Variants in PLA2G4E observed in about 807,000 individuals in gnomAD.
PLA2G4E encodes phospholipase A2 group IVE, also known as cytosolic phospholipase A2 epsilon.
In PLA2G4E, 84 loss-of-function variants were observed where a neutral mutation model predicts 109.1. The observed-to-expected ratio is 0.77, with a 90% CI of 0.65 to 0.92. The LOEUF (loss-of-function observed/expected upper bound fraction) is 0.92, where lower values mean the gene tolerates loss of function less well. Ranked by LOEUF, PLA2G4E falls within the 40% of genes least tolerant of loss-of-function variation. The pLI is 0.00. For missense variants in PLA2G4E, 1,057 were observed against 1,076.6 expected, an observed-to-expected ratio of 0.98 and a Z score of 0.25; for synonymous variants, 469 against 436.1, an observed-to-expected ratio of 1.08 and a Z score of -0.94.
intron 1 of PLA2G4E, among the ~76,000 whole-genome samples, chr15:42,039,516 T>C (rs1360389834): frequency 6.7e-6 from 1 of 150,294 alleles, no homozygotes; most frequent in East Asian, 1.9e-4. Flanking sequence ...TATACATATA[T>C]ACATACATAT....
chr15:42,032,493 G>C (rs1889130409), intron 1 of PLA2G4E, among the ~76,000 whole-genome samples: 1 of 152,256 alleles, frequency 6.6e-6, no homozygotes, highest in African/African-American at 2.4e-5. Context: ...GCACAGCTGA[G>C]GAAGGCCTTG....
intron 14 of PLA2G4E, 37 bp downstream of exon 14, chr15:41,990,084 T>A (rs1439332500): frequency 1.9e-6 from 3 of 1,567,834 alleles, no homozygotes; most frequent in African/African-American, 1.4e-5. Flanking sequence ...AGTCCCCCCC[T>A]CCACCCCACT....
intron 2 of PLA2G4E, 31 bp downstream of exon 2, chr15:42,013,654 A>AG: frequency 6.5e-7 from 1 of 1,533,088 alleles, no homozygotes; most frequent in Non-Finnish European, 8.8e-7. Context: ...TCCGGTAAGC[A>AG]GAGAAGGAGA....
chr15:42,047,178 A>G (rs1889430749), intron 1 of PLA2G4E, among the ~76,000 whole-genome samples: 1 of 152,220 alleles, frequency 6.6e-6, no homozygotes, highest in Non-Finnish European at 1.5e-5. Context: ...GGGTGTCACT[A>G]TGTTGACCAG....
exon 20 of PLA2G4E, chr15:41,983,508 C>T: frequency 2.0e-6 from 1 of 504,184 alleles, no homozygotes; most frequent in Admixed American, 3.4e-5. Flanking sequence ...ATGAGACCAC[C>T]TTCTCTATAG....
intron 15 of PLA2G4E, 73 bp from the exon 16 acceptor site, chr15:41,988,229 T>TCCCCCCAC (rs2068181531): frequency 3.2e-6 from 3 of 935,940 alleles, no homozygotes; most frequent in African/African-American, 5.1e-5. Context: ...GATTCCCCAC[T>TCCCCCCAC]CCCCCCACCC....
chr15:41,993,834 T>C (rs1447227782), intron 12 of PLA2G4E, among the ~76,000 whole-genome samples: 1 of 152,164 alleles, frequency 6.6e-6, no homozygotes, highest in Non-Finnish European at 1.5e-5. Flanking sequence ...CTCCATAAGC[T>C]TCACCCATTC....
chr15:42,033,890 A>C (rs1390062217), intron 1 of PLA2G4E, among the ~76,000 whole-genome samples: 2 of 152,170 alleles, frequency 1.3e-5, no homozygotes, highest in Non-Finnish European at 2.9e-5. Flanking sequence ...GCCAAGGTGC[A>C]AATGACACTT....
At chr15:42,037,749 C>G (rs1256539324) in intron 1 of PLA2G4E, among the ~76,000 whole-genome samples, 2 of 152,242 alleles carry the variant, frequency 1.3e-5, no homozygotes, top group East Asian at 3.8e-4. Context: ...TCTTCGGGGC[C>G]CTGTGGTTCC....
intron 12 of PLA2G4E, among the ~76,000 whole-genome samples, chr15:41,993,399 T>G (rs1369157137): frequency 6.6e-6 from 1 of 152,160 alleles, no homozygotes; most frequent in Non-Finnish European, 1.5e-5. Context: ...TGATGTGGGG[T>G]AGCTAGAACA....
exon 17 of PLA2G4E, chr15:41,987,272 G>A (rs1482001856): frequency 6.2e-7 from 1 of 1,613,994 alleles, no homozygotes; most frequent in Non-Finnish European, 8.5e-7. Flanking sequence ...GATGGGTAAG[G>A]ATTTCTCGGA....
chr15:42,032,671 A>G (rs1416576908), intron 1 of PLA2G4E, among the ~76,000 whole-genome samples: 1 of 152,188 alleles, frequency 6.6e-6, no homozygotes, highest in East Asian at 1.9e-4. Flanking sequence ...GGCCTTTCTC[A>G]CTGCTGATTT....
intron 1 of PLA2G4E, among the ~76,000 whole-genome samples, chr15:42,045,115 G>A (rs1336764648): frequency 6.6e-6 from 1 of 152,202 alleles, no homozygotes; most frequent in East Asian, 1.9e-4. Context: ...AGGGGAGGCT[G>A]TCAAGATCCC....
intron 1 of PLA2G4E, among the ~76,000 whole-genome samples, chr15:42,048,478 C>A (rs927719310): frequency 1.3e-5 from 2 of 152,110 alleles, no homozygotes; most frequent in African/African-American, 2.4e-5. Flanking sequence ...AATACAATGT[C>A]TTTTTGTGGT....
intron 17 of PLA2G4E, chr15:41,986,881 C>T (rs1348144001): frequency 4.6e-6 from 2 of 433,234 alleles, no homozygotes; most frequent in East Asian, 9.2e-5. Flanking sequence ...CCCTGTTTCC[C>T]CATCTGTAAC....
At chr15:42,039,925 T>G (rs1480696636) in intron 1 of PLA2G4E, among the ~76,000 whole-genome samples, 1 of 152,190 alleles carries the variant, frequency 6.6e-6, no homozygotes, top group Non-Finnish European at 1.5e-5. Flanking sequence ...TTGGGGGAAC[T>G]TAACCAAAAG....
At chr15:42,025,202 G>GA (rs112998968) in intron 1 of PLA2G4E, among the ~76,000 whole-genome samples, 13,799 of 83,266 alleles carry the variant, frequency 0.17, 1,279 homozygotes, top group African/African-American at 0.33. Context: ...TCTCAAAAAA[G>GA]AAAAAAAAAA....
At chr15:41,982,808 TG>T (rs905957210) in exon 20 of PLA2G4E, 1 of 152,276 alleles carries the variant, frequency 6.6e-6, no homozygotes, top group African/African-American at 2.4e-5. Flanking sequence ...CATGATGACA[TG>T]GATCACCAGC....
intron 1 of PLA2G4E, 24 bp from the exon 2 acceptor site, chr15:42,013,781 C>A: frequency 1.3e-6 from 2 of 1,539,308 alleles, no homozygotes; most frequent in African/African-American, 1.4e-5. Context: ...GGACAGAGGA[C>A]TCAGTCTTCA....
Sources: gnomAD v4.1 joint callset for allele counts (sites outside exome capture counted in the v4.1 genomes callset) on GRCh38, gnomAD v4.1.1 for gene constraint, MANE v1.5 for transcripts, NCBI Gene and HGNC (gene_info 2026-07-23, HGNC 2026-07-21) for gene names.